NELL2: variants seen among roughly 807,000 people sequenced by gnomAD.
The protein encoded by NELL2 is neural EGFL like 2, also known as protein kinase C-binding protein NELL2.
Under a neutral mutation model 109.6 loss-of-function variants are expected in NELL2, and 41 were observed. The observed-to-expected ratio is 0.37, with a 90% CI of 0.29 to 0.49. NELL2 has a LOEUF of 0.49. Ranked by LOEUF, NELL2 falls within the 20% of genes least tolerant of loss-of-function variation. The pLI, the probability that NELL2 is intolerant of heterozygous loss-of-function variation, is 0.98. For missense variants in NELL2, 900 were observed against 1,008.3 expected (o/e 0.89, Z 1.45); for synonymous variants, 355 against 344.7 (o/e 1.03, Z -0.33).
chr12:44,774,959 C>T, intron 8 of NELL2, 110 bp from the exon 9 acceptor site: 1 of 758,942 alleles, frequency 1.3e-6, no homozygotes, highest in Non-Finnish European at 2.1e-6. Context: ...GAGAACAGAA[C>T]AGGCCATTCA....
At chr12:44,721,613 T>C (rs183943466) in intron 9 of NELL2, among the ~76,000 whole-genome samples, 1 of 148,760 alleles carries the variant, frequency 6.7e-6, no homozygotes, top group East Asian at 2.1e-4. Context: ...TAACTTTGTG[T>C]AACTTTTTTT....
At chr12:44,779,119 C>T (rs1166774623) in intron 5 of NELL2, among the ~76,000 whole-genome samples, 1 of 152,130 alleles carries the variant, frequency 6.6e-6, no homozygotes, top group Non-Finnish European at 1.5e-5. Context: ...TGACATGTCC[C>T]TTAGAGCCTC....
intron 15 of NELL2, among the ~76,000 whole-genome samples, chr12:44,577,487 T>G (rs1944145507): frequency 7.2e-6 from 1 of 139,244 alleles, no homozygotes; most frequent in Non-Finnish European, 1.5e-5. Flanking sequence ...TTTTTTTTTT[T>G]TTTTTGAGAT....
chr12:44,648,656 TA>T (rs1329617209), intron 13 of NELL2, among the ~76,000 whole-genome samples: 1 of 146,822 alleles, frequency 6.8e-6, no homozygotes, highest in East Asian at 2.0e-4. Flanking sequence ...TATTTTCAGG[TA>T]AAAAAAATGA....
intron 9 of NELL2, among the ~76,000 whole-genome samples, chr12:44,755,788 T>G (rs559538798): frequency 2.4e-4 from 37 of 152,300 alleles, no homozygotes; most frequent in African/African-American, 8.2e-4. Context: ...ATAAATATCT[T>G]TAAGTCTCAA....
intron 15 of NELL2, among the ~76,000 whole-genome samples, chr12:44,585,294 C>T (rs1944452928): frequency 6.6e-6 from 1 of 152,032 alleles, no homozygotes; most frequent in South Asian, 2.1e-4. Flanking sequence ...TTGAAAACAA[C>T]TGAAATGTCC....
intron 3 of NELL2, among the ~76,000 whole-genome samples, chr12:44,784,016 A>G (rs1942067487): frequency 6.6e-6 from 1 of 152,130 alleles, no homozygotes; most frequent in African/African-American, 2.4e-5. Context: ...GTCTGGTTCA[A>G]TATTTGAAAA....
At chr12:44,892,663 T>C (rs1327405754) in intron 1 of NELL2, among the ~76,000 whole-genome samples, 1 of 150,854 alleles carries the variant, frequency 6.6e-6, no homozygotes, top group Non-Finnish European at 1.5e-5. Context: ...CCAGGAGTGG[T>C]GGTGGGCGCC....
intron 15 of NELL2, among the ~76,000 whole-genome samples, chr12:44,595,663 G>C (rs1296844128): frequency 6.8e-6 from 1 of 146,724 alleles, no homozygotes. Flanking sequence ...GGATGGTCTC[G>C]ATCTCCTGAC....
At chr12:44,917,677 T>G (rs1401088678), upstream of NELL2, among the ~76,000 whole-genome samples, 1 of 152,180 alleles carries the variant, frequency 6.6e-6, no homozygotes, top group Non-Finnish European at 1.5e-5. Flanking sequence ...ATCAGTTGAT[T>G]TCAAGTTAAT....
chr12:44,686,207 C>T (rs557563537), intron 12 of NELL2, among the ~76,000 whole-genome samples: 11 of 152,300 alleles, frequency 7.2e-5, no homozygotes, highest in African/African-American at 1.2e-4. Flanking sequence ...TTGATCACAT[C>T]GGCTCCTGAG....
At chr12:44,761,711 A>C (rs1163552846) in intron 9 of NELL2, among the ~76,000 whole-genome samples, 1 of 152,326 alleles carries the variant, frequency 6.6e-6, no homozygotes, top group African/African-American at 2.4e-5. Flanking sequence ...AAAAGAATGA[A>C]ATCACATCTT....
chr12:44,540,781 C>CAAAAA lies in NELL2; in HGVS notation c.1664-8065_1664-8061dup, dbSNP rs57205620. The stretch of plus-strand genomic sequence containing the variant: ...AGCTTACTAATGTAAGTCTGCAAGC[C>CAAAAA]AAAAAAAAAAAAAAAAAGCCCATCC... On this transcript the variant is annotated intron_variant, in intron 15 of 19. Transcript: ENST00000429094. Among the ~76,000 whole-genome samples, 429 of 49,720 alleles carry CAAAAA rather than the reference C, an allele frequency of 8.6e-3. 48 individuals are homozygous for CAAAAA. Among genetic ancestry groups the CAAAAA allele is most frequent in the African/African-American group, 0.034 (406 of 11,964 alleles). The allele number at this position is 49,720 out of a possible 152,430, so 32.6% of individuals were successfully genotyped here.
At chr12:44,743,324 C>T (rs1202597865) in intron 9 of NELL2, among the ~76,000 whole-genome samples, 1 of 152,170 alleles carries the variant, frequency 6.6e-6, no homozygotes, top group Non-Finnish European at 1.5e-5. Context: ...AAAGGAACAA[C>T]CGGTACCAGC....
intron 13 of NELL2, among the ~76,000 whole-genome samples, chr12:44,626,834 A>G (rs920204238): frequency 3.3e-5 from 5 of 152,206 alleles, no homozygotes; most frequent in African/African-American, 1.2e-4. Context: ...GCAGCTTTTG[A>G]CTATAAAGAA....
At chr12:44,547,885 A>G (rs1942866984) in intron 15 of NELL2, among the ~76,000 whole-genome samples, 1 of 152,168 alleles carries the variant, frequency 6.6e-6, no homozygotes, top group South Asian at 2.1e-4. Context: ...GTATATTTTC[A>G]AGGCTCTTCA....
At chr12:44,766,305 T>C (rs1941332351) in intron 9 of NELL2, among the ~76,000 whole-genome samples, 1 of 152,202 alleles carries the variant, frequency 6.6e-6, no homozygotes, top group South Asian at 2.1e-4. Flanking sequence ...GAGAGGCCAG[T>C]GCAGCTGGGT....
At position 44,665,536 on chromosome 12, in the gene NELL2, A is replaced by T. The variant is rs759935786; in HGVS notation, c.1392T>A (p.Phe464Leu). The change falls in exon 13 of 20, where the codon TTT becomes TTA. Residue 464 changes from phenylalanine (F) to leucine (L), a missense_variant. Physicochemically the swap from Phe to Leu is conservative, Grantham distance 22. Transcript: ENST00000429094. ...TGTATCCAGTTTTGCAGATGCACAT[A>T]AAAGAACCCGGGGTGTTGACACACA... ...NTMCVNTPGS[F>L]MCICKTGYIR... is the part of the protein sequence containing the mutation. 1 of 1,613,646 alleles carries T rather than the reference A, an allele frequency of 6.2e-7. No individual in the cohort carries two copies. The highest frequency in any genetic ancestry group is 8.5e-7 in the Non-Finnish European group (1 of 1,179,558).
At chr12:44,859,086 G>A (rs1375914007) in intron 2 of NELL2, among the ~76,000 whole-genome samples, 2 of 152,256 alleles carry the variant, frequency 1.3e-5, no homozygotes, top group East Asian at 1.9e-4. Flanking sequence ...CATTCTTCAA[G>A]ATAAAGTCCC....
Sources: allele counts gnomAD v4.1 joint callset (sites outside exome capture counted in the v4.1 genomes callset), GRCh38; gene constraint gnomAD v4.1.1; transcripts MANE v1.5; gene names NCBI Gene and HGNC (gene_info 2026-07-23, HGNC 2026-07-21).